The following ISM1 variants were observed in gnomAD, a reference collection of about 807,000 sequenced individuals.
The protein encoded by ISM1 is isthmin-1.
In ISM1, 25 loss-of-function variants were observed where a neutral mutation model predicts 46.3. The observed-to-expected ratio is 0.54, with a 90% CI of 0.39 to 0.75. The LOEUF (loss-of-function observed/expected upper bound fraction) is 0.75, where lower values mean the gene tolerates loss of function less well. Among genes scored for constraint, ISM1 ranks in the 30% least tolerant of loss-of-function variants. The pLI, the probability that ISM1 is intolerant of heterozygous loss-of-function variation, is 0.00. For synonymous variants in ISM1, 255 were observed against 256.7 expected, an observed-to-expected ratio of 0.99 and a Z score of 0.06; for missense variants, 536 against 625.4, an observed-to-expected ratio of 0.86 and a Z score of 1.52.
intron 1 of ISM1, among the ~76,000 whole-genome samples, chr20:13,242,910 C>T (rs892099800): frequency 1.3e-5 from 2 of 152,176 alleles, no homozygotes; most frequent in East Asian, 1.9e-4. Context: ...GTGGGCCAGA[C>T]ACTTTTTTAA....
chr20:13,280,244 T>C (rs1178922070), intron 3 of ISM1, among the ~76,000 whole-genome samples: 1 of 152,074 alleles, frequency 6.6e-6, no homozygotes, highest in African/African-American at 2.4e-5. Flanking sequence ...TATTTTTTAC[T>C]GTAAAAATTC....
chr20:13,279,506 A>T, intron 2 of ISM1, 128 bp from the exon 3 acceptor site: 1 of 885,320 alleles, frequency 1.1e-6, no homozygotes. Flanking sequence ...TCGCCATGCA[A>T]TCTCAGCTTT....
At chr20:13,309,853 A>G in the ISM1 span, among the ~76,000 whole-genome samples, 1 of 94,474 alleles carries the variant, frequency 1.1e-5, no homozygotes, top group East Asian at 2.9e-4. Flanking sequence ...AACAGCATCA[A>G]AAAAAACTAA....
intron 1 of ISM1, among the ~76,000 whole-genome samples, chr20:13,262,271 C>T (rs907964749): frequency 6.6e-6 from 1 of 152,154 alleles, no homozygotes; most frequent in Non-Finnish European, 1.5e-5. Context: ...GGTGGCCTGG[C>T]CTTTATAGCC....
chr20:13,321,642 T>G, the ISM1 span, among the ~76,000 whole-genome samples: 1 of 152,224 alleles, frequency 6.6e-6, no homozygotes, highest in Non-Finnish European at 1.5e-5. Context: ...GCCCAGGGCC[T>G]GGCACACACA....
In ISM1 at chr20:13,282,146, A is replaced by AT. The variant is rs200082889; in HGVS notation, c.643+2257dup. On this transcript the variant is annotated intron_variant, in intron 3 of 5. Coordinates refer to ENST00000262487, the MANE Select transcript of ISM1 (RefSeq NM_080826.2). ...ATTGCTCATTATACTCACCTGGGGA[A>AT]TTTTTTTTTCAATCCCGATGCCTAG... Among the ~76,000 whole-genome samples, 162 of 150,814 alleles carry AT rather than the reference A, an allele frequency of 1.1e-3. 2 individuals are homozygous for AT. Among genetic ancestry groups the AT allele is most frequent in the African/African-American group, 3.5e-3 (142 of 40,660 alleles).
chr20:13,256,395 CAAAAAAAAA>C (rs559300861), intron 1 of ISM1, among the ~76,000 whole-genome samples: 3 of 71,802 alleles, frequency 4.2e-5, no homozygotes, highest in African/African-American at 1.5e-4. Context: ...GACCCCGTCT[CAAAAAAAAA>C]AAAAAAAAAA....
chr20:13,309,804 A>G, the ISM1 span, among the ~76,000 whole-genome samples: 2 of 152,142 alleles, frequency 1.3e-5, no homozygotes, highest in Non-Finnish European at 2.9e-5. Context: ...AAGCAAAAAA[A>G]CTATCCAAAA....
At chr20:13,279,982 G>C in intron 3 of ISM1, 84 bp downstream of exon 3, 2 of 1,333,282 alleles carry the variant, frequency 1.5e-6, no homozygotes, top group East Asian at 5.0e-5. Context: ...GCAAAACCCT[G>C]CTTAGAGCAT....
At chr20:13,246,157 C>T (rs550092263) in intron 1 of ISM1, among the ~76,000 whole-genome samples, 11 of 151,992 alleles carry the variant, frequency 7.2e-5, no homozygotes, top group Non-Finnish European at 1.3e-4. Flanking sequence ...CCTGTAATCC[C>T]AGCTACTCGG....
intron 5 of ISM1, among the ~76,000 whole-genome samples, chr20:13,298,545 CATT>C (rs1409838818): frequency 6.6e-6 from 1 of 152,062 alleles, no homozygotes; most frequent in Non-Finnish European, 1.5e-5. Flanking sequence ...TTAGGGGTGA[CATT>C]ATATATTTCC....
intron 3 of ISM1, among the ~76,000 whole-genome samples, 172 bp downstream of exon 3, chr20:13,280,070 C>T (rs1054768054): frequency 6.6e-6 from 1 of 152,162 alleles, no homozygotes. Flanking sequence ...CCAGCAGCCA[C>T]ATTTTTCTGG....
chr20:13,293,312 T>G (rs1468103197), intron 5 of ISM1, among the ~76,000 whole-genome samples: 1 of 151,650 alleles, frequency 6.6e-6, no homozygotes, highest in Non-Finnish European at 1.5e-5. Context: ...CCAAACAAAA[T>G]GGAAAGTGAC....
chr20:13,224,181 A>G (rs1324522783), intron 1 of ISM1, among the ~76,000 whole-genome samples: 1 of 152,142 alleles, frequency 6.6e-6, no homozygotes, highest in East Asian at 1.9e-4. Context: ...TGTCCACTCA[A>G]TGCACACACT....
At chr20:13,271,675 T>C (rs923831044) in intron 2 of ISM1, among the ~76,000 whole-genome samples, 1 of 152,236 alleles carries the variant, frequency 6.6e-6, no homozygotes, top group Admixed American at 6.5e-5. Context: ...ATGTTGTTTG[T>C]ACCTTTCTCT....
At chr20:13,309,748 G>A in the ISM1 span, among the ~76,000 whole-genome samples, 1 of 151,924 alleles carries the variant, frequency 6.6e-6, no homozygotes, top group Non-Finnish European at 1.5e-5. Flanking sequence ...ATTCAGTAAA[G>A]TCATAGGATA....
intron 1 of ISM1, among the ~76,000 whole-genome samples, chr20:13,260,320 A>G (rs1476639637): frequency 6.6e-6 from 1 of 152,242 alleles, no homozygotes; most frequent in Non-Finnish European, 1.5e-5. Flanking sequence ...ATGAAAGCAC[A>G]AAGGAGAACT....
chr20:13,254,828 G>A (rs1189294448), intron 1 of ISM1, among the ~76,000 whole-genome samples: 1 of 152,238 alleles, frequency 6.6e-6, no homozygotes, highest in Non-Finnish European at 1.5e-5. Context: ...TGGTTCGAGA[G>A]ATGTAGGAGG....
At chr20:13,268,117 T>TTCTCTTCTCA (rs996270422) in intron 1 of ISM1, among the ~76,000 whole-genome samples, 1 of 110,138 alleles carries the variant, frequency 9.1e-6, no homozygotes, top group African/African-American at 3.8e-5. Context: ...CTCTCCTGTC[T>TTCTCTTCTCA]TCTCTTCTCT....
Sources: gnomAD v4.1 joint callset for allele counts (sites outside exome capture counted in the v4.1 genomes callset) on GRCh38, gnomAD v4.1.1 for gene constraint, MANE v1.5 for transcripts, NCBI Gene and HGNC (gene_info 2026-07-23, HGNC 2026-07-21) for gene names.